MLLT3: variants seen among roughly 807,000 people sequenced by gnomAD.
The protein encoded by MLLT3 is protein AF-9.
A neutral mutation model predicts 53.2 loss-of-function variants in MLLT3; 4 were observed. The observed-to-expected ratio is 0.08, with a 90% confidence interval of 0.04 to 0.17. The LOEUF is 0.17. Ranked by LOEUF, MLLT3 falls within the 10% of genes least tolerant of loss-of-function variation. The pLI, the probability that MLLT3 is intolerant of heterozygous loss-of-function variation, is 1.00. For synonymous variants in MLLT3, 283 were observed against 230.6 expected, an observed-to-expected ratio of 1.23 and a Z score of -2.06; for missense variants, 569 against 684.0, an observed-to-expected ratio of 0.83 and a Z score of 1.87.
chr9:20,597,362 T>G (rs1053032015), intron 2 of MLLT3, among the ~76,000 whole-genome samples: 6 of 149,314 alleles, frequency 4.0e-5, no homozygotes, highest in Admixed American at 3.3e-4. Context: ...AGTAACACAG[T>G]GACTTAAAAA....
At chr9:20,556,968 A>T (rs1003289609) in intron 2 of MLLT3, among the ~76,000 whole-genome samples, 2 of 152,206 alleles carry the variant, frequency 1.3e-5, no homozygotes, top group African/African-American at 4.8e-5. Context: ...TTTGAAGACC[A>T]TGGAGCTATA....
At chr9:20,507,504 C>T (rs139822159) in intron 2 of MLLT3, among the ~76,000 whole-genome samples, 1 of 152,166 alleles carries the variant, frequency 6.6e-6, no homozygotes, top group East Asian at 1.9e-4. Context: ...TAAAGCTTGC[C>T]TTTAAAAAAG....
rs1182501968 is a variant in MLLT3 at position 20,348,064 on chromosome 9, C to T, written c.1576-1490G>A. On this transcript the variant is annotated intron_variant, in intron 10 of 10. Coordinates refer to ENST00000380338, the MANE Select transcript of MLLT3 (RefSeq NM_004529.4). ...GAAGCATGACATATTAACTCTCAAT[C>T]CAATTAACTGCTCAACTCCAGATTG... 4.6e-5 allele frequency among the ~76,000 whole-genome samples: 7 copies of T among 152,262 alleles called. No individual in the cohort carries two copies. The East Asian group carries it at 1.3e-3, about 29-fold the overall frequency.
At position 20,484,912 on chromosome 9, in the gene MLLT3, G is replaced by C. The variant is rs368284006; in HGVS notation, c.194-28126C>G. 5.5e-4 allele frequency among the ~76,000 whole-genome samples: 83 copies of C among 152,228 alleles called. No individual in the cohort carries two copies. In the South Asian group the frequency reaches 0.011, roughly 20 times the overall value. On this transcript the variant is annotated intron_variant, in intron 2 of 10. Transcript: ENST00000380338. The stretch of plus-strand genomic sequence containing the variant: ...TTTCAAAAGATAAGGAGTATGTATG[G>C]TAAAGGTCTTTGAAAATATGAATCA...
intron 2 of MLLT3, among the ~76,000 whole-genome samples, chr9:20,578,042 T>C (rs12380857): frequency 0.097 from 14,819 of 152,242 alleles, 914 homozygotes; most frequent in East Asian, 0.22. Context: ...CAGACCTACA[T>C]ACTACTAAAC....
intron 4 of MLLT3, among the ~76,000 whole-genome samples, chr9:20,431,142 A>G (rs1270440908): frequency 1.3e-5 from 2 of 152,182 alleles, no homozygotes; most frequent in Non-Finnish European, 2.9e-5. Context: ...ATATAAAATA[A>G]ACCAAGGCTA....
chr9:20,382,249 C>G (rs980851610), intron 5 of MLLT3: 1 of 151,854 alleles, frequency 6.6e-6, no homozygotes, highest in African/African-American at 2.4e-5. Flanking sequence ...CCCTCTCACC[C>G]CATTTTTCAT....
intron 3 of MLLT3, among the ~76,000 whole-genome samples, chr9:20,449,948 G>A (rs899241434): frequency 1.3e-5 from 2 of 152,144 alleles, no homozygotes; most frequent in Non-Finnish European, 2.9e-5. Flanking sequence ...TTCCACCTGT[G>A]TGACAGTGAC....
chr9:20,607,909 T>C (rs1820608482), intron 2 of MLLT3, among the ~76,000 whole-genome samples: 3 of 152,028 alleles, frequency 2.0e-5, no homozygotes, highest in South Asian at 4.1e-4. Flanking sequence ...GCATTGTATA[T>C]AAAACATAAA....
At chr9:20,549,606 C>G (rs1036173837) in intron 2 of MLLT3, among the ~76,000 whole-genome samples, 3 of 152,202 alleles carry the variant, frequency 2.0e-5, no homozygotes, top group African/African-American at 7.2e-5. Context: ...AAAGGTCACA[C>G]AGGCGACTGG....
intron 2 of MLLT3, among the ~76,000 whole-genome samples, chr9:20,554,773 C>T (rs1330335574): frequency 2.0e-5 from 3 of 152,066 alleles, no homozygotes; most frequent in Non-Finnish European, 2.9e-5. Context: ...TTGTTTGTTC[C>T]GAAACCTGGC....
At chr9:20,576,297 T>C (rs1819652185) in intron 2 of MLLT3, among the ~76,000 whole-genome samples, 1 of 152,160 alleles carries the variant, frequency 6.6e-6, no homozygotes, top group Admixed American at 6.5e-5. Context: ...TTTCTCCATA[T>C]CAGCAATAAG....
At chr9:20,552,107 A>G (rs1392033419) in intron 2 of MLLT3, among the ~76,000 whole-genome samples, 1 of 152,214 alleles carries the variant, frequency 6.6e-6, no homozygotes, top group Non-Finnish European at 1.5e-5. Flanking sequence ...CTTTCCTTTT[A>G]TAAAGCTCTG....
chr9:20,528,825 G>C (rs1448203599), intron 2 of MLLT3, among the ~76,000 whole-genome samples: 1 of 152,184 alleles, frequency 6.6e-6, no homozygotes, highest in African/African-American at 2.4e-5. Context: ...ACAGGTTCCA[G>C]GTATTAGGAT....
rs531707287 is a variant in MLLT3 at position 20,448,150 on chromosome 9, A to G, written c.393T>C (p.Phe131=). The change falls in exon 4 of 11, where the codon TTT becomes TTC. Residue 131 remains phenylalanine, a synonymous_variant. Transcript: ENST00000380338. This position sits in a 1 kb window ranked among gnomAD's most constrained non-coding sequence, Gnocchi z 4.0. ...KLTFNNPTED[F]RRKLLKAGGD... Reference sequence around the variant, plus strand: ...CTCCTGCCTTCAGCAACTTTCTCCTAAAGTCCTCTGTGGGGTTGTTGAAAG... The same window carrying G: ...CTCCTGCCTTCAGCAACTTTCTCCTGAAGTCCTCTGTGGGGTTGTTGAAAG... The G allele has an allele frequency of 5.0e-6, 8 of 1,613,366 alleles. No homozygotes were observed. The Middle Eastern group carries it at 6.6e-4, about 133-fold the overall frequency.
intron 2 of MLLT3, among the ~76,000 whole-genome samples, chr9:20,483,934 A>C (rs1824738345): frequency 6.6e-6 from 1 of 151,154 alleles, no homozygotes; most frequent in South Asian, 2.1e-4. Context: ...GATGGTCTCG[A>C]TCTCCTGACC....
At chr9:20,412,465 G>A (rs1430418084) in intron 5 of MLLT3, among the ~76,000 whole-genome samples, 5 of 151,036 alleles carry the variant, frequency 3.3e-5, no homozygotes, top group Non-Finnish European at 5.9e-5. Flanking sequence ...TAGCTATAGA[G>A]AGTAGGGAGA....
intron 2 of MLLT3, among the ~76,000 whole-genome samples, chr9:20,476,525 ATAAG>A (rs1824525512): frequency 6.6e-6 from 1 of 152,176 alleles, no homozygotes; most frequent in Non-Finnish European, 1.5e-5. Flanking sequence ...CTTAAAACAA[ATAAG>A]TAATGTCAAC....
Position 20,621,032 on chromosome 9 carries a change from T to G in MLLT3, c.13-198A>C. Reference sequence around the variant, plus strand: ...ATATACCCGCCCGCCCGGCCCGGCTTGGCCCCAGGCGCCCCGGGCCCCGCA... The same window carrying G: ...ATATACCCGCCCGCCCGGCCCGGCTGGGCCCCAGGCGCCCCGGGCCCCGCA... On this transcript the variant is annotated intron_variant, in intron 1 of 10. Transcript: ENST00000380338. This position sits in a 1 kb window ranked among gnomAD's most constrained non-coding sequence, Gnocchi z 7.0. 1.4e-6 allele frequency: 1 copy of G among 723,110 alleles called. No homozygotes were observed. Among genetic ancestry groups the G allele is most frequent in the Non-Finnish European group, 2.4e-6 (1 of 409,458 alleles). 44.8% of individuals were successfully genotyped at this position (723,110 alleles called of 1,614,324 possible). A position where few individuals can be genotyped will look rare whatever the true frequency, so the allele number is the denominator to read the frequency against.
Sources: gnomAD v4.1 joint callset for allele counts (sites outside exome capture counted in the v4.1 genomes callset) on GRCh38, gnomAD v4.1.1 for gene constraint, Gnocchi (gnomAD v3.1) non-coding constraint, MANE v1.5 for transcripts, NCBI Gene and HGNC (gene_info 2026-07-23, HGNC 2026-07-21) for gene names.